The following AP3D1 variants were observed in gnomAD, a reference collection of about 807,000 sequenced individuals.
AP3D1 encodes adaptor related protein complex 3 subunit delta 1, also known as AP-3 complex subunit delta-1.
In AP3D1, 51 loss-of-function variants were observed where a neutral mutation model predicts 147.6. The observed-to-expected ratio is 0.35, with a 90% CI of 0.28 to 0.44. The LOEUF (loss-of-function observed/expected upper bound fraction) is 0.44. Ranked by LOEUF, AP3D1 falls within the 20% of genes least tolerant of loss-of-function variation. AP3D1 has a pLI of 1.00. For synonymous variants in AP3D1, 760 were observed against 663.0 expected, an observed-to-expected ratio of 1.15 and a Z score of -2.25; for missense variants, 1,421 against 1,624.2, an observed-to-expected ratio of 0.87 and a Z score of 2.15.
chr19:2,115,545 C>T lies in AP3D1; in HGVS notation c.2142G>A (p.Lys714=). Residue 714 remains lysine (K), a synonymous_variant, in exon 19 of 32, where the codon AAG becomes AAA. Transcript: ENST00000643116. The part of the protein sequence containing the change: ...VVQIDLSVPL[K]VPGLPMSDQY... ...CACACCGGAGACACTTGCCTGGAAC[C>T]TTCAAGGGGACGGAGAGGTCAATCT... 1 of 1,613,280 alleles carries T rather than the reference C, an allele frequency of 6.2e-7. No individual in the cohort carries two copies. The highest frequency in any genetic ancestry group is 8.5e-7 in the Non-Finnish European group (1 of 1,179,856).
At chr19:2,164,341 C>T (rs891895394) in intron 1 of AP3D1, 4 of 1,064,272 alleles carry the variant, frequency 3.8e-6, no homozygotes, top group Non-Finnish European at 4.8e-6. Context: ...CCAAACCCCC[C>T]CAAGCCGCGC....
At chr19:2,140,454 G>A (rs1272814801) in intron 1 of AP3D1, among the ~76,000 whole-genome samples, 1 of 151,792 alleles carries the variant, frequency 6.6e-6, no homozygotes, top group East Asian at 1.9e-4. Context: ...ACCATGTGGT[G>A]GGTCTGCTCC....
At chr19:2,140,513 T>A (rs2019191749) in intron 1 of AP3D1, among the ~76,000 whole-genome samples, 1 of 151,518 alleles carries the variant, frequency 6.6e-6, no homozygotes, top group African/African-American at 2.4e-5. Flanking sequence ...TCTCACTCTG[T>A]CGCCCAGGCT....
At chr19:2,129,775 C>T (rs2018884347) in intron 6 of AP3D1, among the ~76,000 whole-genome samples, 7 of 152,236 alleles carry the variant, frequency 4.6e-5, no homozygotes, top group Admixed American at 4.6e-4. Flanking sequence ...ATGAGGGCTC[C>T]AGAAACAGCT....
chr19:2,162,042 T>TA (rs2019706802), intron 1 of AP3D1, among the ~76,000 whole-genome samples: 1 of 148,696 alleles, frequency 6.7e-6, no homozygotes, highest in East Asian at 2.0e-4. Flanking sequence ...AGTTTTTTTT[T>TA]TTTTTTTTTT....
intron 4 of AP3D1, among the ~76,000 whole-genome samples, chr19:2,135,761 C>A (rs1381371638): frequency 3.3e-5 from 5 of 152,164 alleles, no homozygotes; most frequent in Non-Finnish European, 5.9e-5. Flanking sequence ...CAGTGAGGTG[C>A]TCACACAGGG....
intron 16 of AP3D1, 144 bp downstream of exon 16, chr19:2,117,078 G>GT: frequency 9.2e-7 from 1 of 1,088,758 alleles, no homozygotes; most frequent in Admixed American, 3.1e-5. Context: ...GTGAGTCCGT[G>GT]TGAGGGATAT....
In AP3D1 at chr19:2,151,279, T is replaced by C; in HGVS notation, c.56A>G (p.Gln19Arg). The C allele has an allele frequency of 6.2e-7, 1 of 1,611,880 alleles. No individual in the cohort carries two copies. The highest frequency in any genetic ancestry group is 8.5e-7 in the Non-Finnish European group (1 of 1,178,908). Residue 19 changes from glutamine to arginine, a missense_variant, in exon 1 of 32, where the codon CAG becomes CGG. Coordinates refer to ENST00000643116, the MANE Select transcript of AP3D1 (RefSeq NM_001261826.3). The part of the protein sequence containing the change: ...SIDRMFDKNL[Q>R]DLVRGIRNHK... ...GTTACGGATGCCGCGGACCAAGTCC[T>C]GCAGATTCTTGTCGAACATGCGGTC...
intron 31 of AP3D1, among the ~76,000 whole-genome samples, chr19:2,102,524 T>G (rs1207642868): frequency 2.0e-5 from 3 of 151,532 alleles, no homozygotes; most frequent in Non-Finnish European, 4.4e-5. Flanking sequence ...GTCAGGATAT[T>G]GAGACCATCC....
chr19:2,110,005 G>A lies in AP3D1; in HGVS notation c.3265-47C>T, dbSNP rs763704577. ...GCAGTTGAGAGGGGAGTCGGGCCCA[G>A]CTCAGGGCTCAGGGTTCCCCAGGCA... is the stretch of plus-strand genomic sequence containing the variant. On this transcript the variant is annotated intron_variant, in intron 28 of 31. Coordinates refer to ENST00000643116, the MANE Select transcript of AP3D1 (RefSeq NM_001261826.3). 8 of 1,600,810 alleles carry A rather than the reference G, an allele frequency of 5.0e-6. No individual in the cohort carries two copies. The East Asian group carries it at 1.8e-4, about 36-fold the overall frequency.
chr19:2,125,293 T>C (rs1383873779), intron 9 of AP3D1, among the ~76,000 whole-genome samples: 1 of 152,148 alleles, frequency 6.6e-6, no homozygotes, highest in Admixed American at 6.5e-5. Flanking sequence ...CCAATCTTTG[T>C]AGGAGTGTTG....
intron 6 of AP3D1, among the ~76,000 whole-genome samples, chr19:2,129,742 G>A (rs892989428): frequency 6.6e-6 from 1 of 152,248 alleles, no homozygotes; most frequent in African/African-American, 2.4e-5. Flanking sequence ...CCTGACAGCG[G>A]CCCTCTGAGT....
chr19:2,123,689 G>A (rs2018672101), intron 10 of AP3D1, 141 bp downstream of exon 10: 7 of 1,014,304 alleles, frequency 6.9e-6, no homozygotes, highest in South Asian at 4.4e-5. Flanking sequence ...GTGCACACAG[G>A]ACGCGGCTGT....
chr19:2,131,654 G>A (rs1394732556), intron 5 of AP3D1, among the ~76,000 whole-genome samples: 1 of 89,886 alleles, frequency 1.1e-5, no homozygotes, highest in African/African-American at 3.6e-5. Context: ...ACCTCCAGGC[G>A]GACAGGCAGC....
intron 4 of AP3D1, among the ~76,000 whole-genome samples, chr19:2,134,926 A>C (rs1257256488): frequency 1.3e-5 from 2 of 152,046 alleles, no homozygotes; most frequent in Non-Finnish European, 2.9e-5. Context: ...TTTATTAAAA[A>C]ACAAGCCAGG....
intron 1 of AP3D1, among the ~76,000 whole-genome samples, chr19:2,143,849 A>G (rs1020348216): frequency 1.3e-5 from 2 of 152,084 alleles, no homozygotes; most frequent in Non-Finnish European, 2.9e-5. Context: ...GCACTTTGGG[A>G]GGCCGAGGCG....
At chr19:2,162,922 G>A (rs74254217) in intron 1 of AP3D1, among the ~76,000 whole-genome samples, 6,336 of 152,042 alleles carry the variant, frequency 0.042, 205 homozygotes, top group East Asian at 0.14. Context: ...TGGTGAAACC[G>A]CCTTTGCAAA....
Position 2,129,455 on chromosome 19 carries a change from C to T in AP3D1, c.595G>A (p.Val199Ile), listed in dbSNP as rs780346365. ...KEKLEDPDPGVQSAAVNVICE... is the reference protein window; with the variant it reads ...KEKLEDPDPGIQSAAVNVICE... ...ATGACATTGACGGCAGCCGACTGAACCCCTGGGGAACAAGGGGTTCTCATC... is the reference window on the plus strand; with the variant it reads ...ATGACATTGACGGCAGCCGACTGAATCCCTGGGGAACAAGGGGTTCTCATC... Residue 199 changes from valine to isoleucine, a missense_variant and splice_region_variant, in exon 7 of 32, where the codon GTT becomes ATT. By Grantham distance (29) the Val-to-Ile change is conservative. Coordinates refer to ENST00000643116, the MANE Select transcript of AP3D1 (RefSeq NM_001261826.3). 1 of 1,613,640 alleles carries T rather than the reference C, an allele frequency of 6.2e-7. No homozygotes were observed. The highest frequency in any genetic ancestry group is 1.1e-5 in the South Asian group (1 of 91,072).
chr19:2,125,684 C>T (rs1002765965), intron 9 of AP3D1, among the ~76,000 whole-genome samples: 3 of 151,924 alleles, frequency 2.0e-5, no homozygotes, highest in Non-Finnish European at 4.4e-5. Context: ...GTATAGATTA[C>T]CCAGGTAGGA....
Sources: gnomAD v4.1 joint callset for allele counts (sites outside exome capture counted in the v4.1 genomes callset) on GRCh38, gnomAD v4.1.1 for gene constraint, MANE v1.5 for transcripts, NCBI Gene and HGNC (gene_info 2026-07-23, HGNC 2026-07-21) for gene names.